The following ERBB4 variants were observed in gnomAD, a reference collection of about 807,000 sequenced individuals.
The protein encoded by ERBB4 is receptor tyrosine-protein kinase erbB-4.
Under a neutral mutation model 158.0 loss-of-function variants are expected in ERBB4, and 42 were observed. The observed-to-expected ratio is 0.27, with a 90% CI of 0.21 to 0.34. The LOEUF (loss-of-function observed/expected upper bound fraction) is 0.34. Ranked by LOEUF, ERBB4 falls within the 10% of genes least tolerant of loss-of-function variation. The pLI, the probability that ERBB4 is intolerant of heterozygous loss-of-function variation, is 1.00. For synonymous variants in ERBB4, 583 were observed against 558.7 expected, an observed-to-expected ratio of 1.04 and a Z score of -0.61; for missense variants, 1,333 against 1,624.1, an observed-to-expected ratio of 0.82 and a Z score of 3.08.
chr2:212,056,887 C>G (rs1195020818), intron 2 of ERBB4, among the ~76,000 whole-genome samples: 1 of 152,078 alleles, frequency 6.6e-6, no homozygotes, highest in Admixed American at 6.6e-5. Flanking sequence ...GCAAAATAAC[C>G]AGCCAACATC....
chr2:211,596,881 C>CA (rs756781118), intron 19 of ERBB4, among the ~76,000 whole-genome samples: 2 of 152,104 alleles, frequency 1.3e-5, no homozygotes, highest in Non-Finnish European at 2.9e-5. Flanking sequence ...TCTCCTGTCT[C>CA]AGCCTTCTAA....
chr2:211,413,142 T>C (rs940759656), intron 25 of ERBB4, among the ~76,000 whole-genome samples: 1 of 150,974 alleles, frequency 6.6e-6, no homozygotes, highest in African/African-American at 2.4e-5. Flanking sequence ...CACAAAAAAA[T>C]GTTTTTTTAA....
At chr2:211,761,364 C>T (rs191154816) in intron 4 of ERBB4, among the ~76,000 whole-genome samples, 151 of 152,212 alleles carry the variant, frequency 9.9e-4, no homozygotes, top group African/African-American at 3.6e-3. Flanking sequence ...ATAACATCCA[C>T]AGCAAAGAAG....
chr2:212,443,573 C>T (rs554541734), intron 1 of ERBB4, among the ~76,000 whole-genome samples: 28 of 152,254 alleles, frequency 1.8e-4, no homozygotes, highest in African/African-American at 6.0e-4. Flanking sequence ...TGTGTTACTC[C>T]GGCCAATTTA....
At chr2:212,420,918 T>C (rs2091776687) in intron 1 of ERBB4, among the ~76,000 whole-genome samples, 1 of 152,132 alleles carries the variant, frequency 6.6e-6, no homozygotes, top group South Asian at 2.1e-4. Context: ...AAGCAATAAT[T>C]GTATTGATAA....
rs145839419 is a variant in ERBB4, at chr2:211,941,953, C to T, written c.421+5477G>A. Among the ~76,000 whole-genome samples, 378 of 152,186 alleles carry T rather than the reference C, an allele frequency of 2.5e-3. 1 individual carries two copies. Among genetic ancestry groups the T allele is most frequent in the Middle Eastern group, 0.01 (3 of 294 alleles). On this transcript the variant is annotated intron_variant, in intron 3 of 27. Transcript: ENST00000342788. Reference sequence around the variant, plus strand: ...TCTTTCTTTAATGCTCATTACAACACTATGAGGCAGAATTTTCTTCACAGT... The same window carrying T: ...TCTTTCTTTAATGCTCATTACAACATTATGAGGCAGAATTTTCTTCACAGT...
At chr2:211,419,500 G>T (rs2063468454) in intron 25 of ERBB4, among the ~76,000 whole-genome samples, 1 of 142,810 alleles carries the variant, frequency 7.0e-6, no homozygotes, top group Admixed American at 6.7e-5. Context: ...TAAGAGAAAA[G>T]AATTATCTTC....
In ERBB4 at chr2:211,860,967, A is replaced by T. The variant is rs12989881; in HGVS notation, c.422-72808T>A. On this transcript the variant is annotated intron_variant, in intron 3 of 27. Transcript: ENST00000342788. The stretch of plus-strand genomic sequence containing the variant: ...TATTTTATATATATATAAATATATA[A>T]ATATATTTAAATATATTATATAATA... Among the ~76,000 whole-genome samples, 138 of 74,056 alleles carry T rather than the reference A, an allele frequency of 1.9e-3. 9 individuals carry two copies. In the South Asian group the frequency reaches 0.031, roughly 16 times the overall value. The allele number at this position is 74,056 out of a possible 152,430, so 48.6% of individuals were successfully genotyped here. A position where few individuals can be genotyped will look rare whatever the true frequency, so the allele number is the denominator to read the frequency against.
At chr2:211,911,964 G>A (rs528409140) in intron 3 of ERBB4, among the ~76,000 whole-genome samples, 117 of 152,194 alleles carry the variant, frequency 7.7e-4, no homozygotes, top group Non-Finnish European at 1.2e-3. Flanking sequence ...TATTAAGCCA[G>A]CTTTAGAGTG....
At chr2:211,494,901 A>T (rs2065432177) in intron 20 of ERBB4, among the ~76,000 whole-genome samples, 1 of 152,158 alleles carries the variant, frequency 6.6e-6, no homozygotes, top group Non-Finnish European at 1.5e-5. Flanking sequence ...GAAATATGCC[A>T]AAATTTATGG....
chr2:212,074,538 A>G (rs1380130353), intron 2 of ERBB4, among the ~76,000 whole-genome samples: 1 of 152,046 alleles, frequency 6.6e-6, no homozygotes, highest in Admixed American at 6.6e-5. Context: ...TTTAAAAAAT[A>G]TAATACTTCT....
intron 1 of ERBB4, among the ~76,000 whole-genome samples, chr2:212,190,629 G>A (rs932695626): frequency 5.3e-5 from 8 of 151,838 alleles, no homozygotes; most frequent in Admixed American, 1.3e-4. Context: ...CACCACCATC[G>A]GTTCCTTTGC....
Position 212,345,265 on chromosome 2 carries a change from C to CAAA in ERBB4, c.82+193181_82+193183dup, listed in dbSNP as rs367985477. ...TGGGGGACAGAGCAAGACTCCGTCT[C>CAAA]AAAAAAAAAAAAGCACTAAACACAT... On this transcript the variant is annotated intron_variant, in intron 1 of 27. Coordinates refer to ENST00000342788, the MANE Select transcript of ERBB4 (RefSeq NM_005235.3). Among the ~76,000 whole-genome samples the CAAA allele has an allele frequency of 6.4e-5, 5 of 77,720 alleles. 1 individual carries two copies. Among genetic ancestry groups the CAAA allele is most frequent in the Non-Finnish European group, 1.0e-4 (4 of 39,172 alleles). The allele number at this position is 77,720 out of a possible 152,430, so 51.0% of individuals were successfully genotyped here. A position where few individuals can be genotyped will look rare whatever the true frequency, so the allele number is the denominator to read the frequency against.
intron 5 of ERBB4, among the ~76,000 whole-genome samples, chr2:211,749,069 G>T (rs2075054104): frequency 1.3e-5 from 2 of 152,248 alleles, no homozygotes; most frequent in South Asian, 4.1e-4. Flanking sequence ...TATTAAATAA[G>T]TTAATTTAAA....
chr2:212,257,693 G>A (rs1183523147), intron 1 of ERBB4, among the ~76,000 whole-genome samples: 2 of 152,118 alleles, frequency 1.3e-5, no homozygotes, highest in Non-Finnish European at 2.9e-5. Flanking sequence ...GATGTCACGT[G>A]TTGAACATAA....
intron 20 of ERBB4, among the ~76,000 whole-genome samples, chr2:211,457,376 A>AT (rs2064409395): frequency 6.6e-6 from 1 of 152,200 alleles, no homozygotes; most frequent in Non-Finnish European, 1.5e-5. Context: ...TCTATCTTGC[A>AT]TTGTACATTT....
At chr2:212,463,923 A>G (rs891757571) in intron 1 of ERBB4, among the ~76,000 whole-genome samples, 3 of 152,162 alleles carry the variant, frequency 2.0e-5, no homozygotes, top group Non-Finnish European at 2.9e-5. Flanking sequence ...CTGACATGCA[A>G]ACCTTCTCTT....
chr2:211,742,739 T>C (rs1575081342), intron 5 of ERBB4, among the ~76,000 whole-genome samples: 1 of 152,186 alleles, frequency 6.6e-6, no homozygotes, highest in Non-Finnish European at 1.5e-5. Flanking sequence ...ATAATGTCTG[T>C]ATGGAAAAAG....
chr2:211,913,615 ATATATGTG>A (rs1201596897), intron 3 of ERBB4, among the ~76,000 whole-genome samples: 1 of 102,744 alleles, frequency 9.7e-6, no homozygotes, highest in Non-Finnish European at 1.9e-5. Flanking sequence ...AAATATATAT[ATATATGTG>A]TGTGTGTGTG....
Sources: gnomAD v4.1 joint callset for allele counts (sites outside exome capture counted in the v4.1 genomes callset) on GRCh38, gnomAD v4.1.1 for gene constraint, MANE v1.5 for transcripts, NCBI Gene and HGNC (gene_info 2026-07-23, HGNC 2026-07-21) for gene names.